Variants in EXD2 observed in about 807,000 individuals in gnomAD.
The protein encoded by EXD2 is exonuclease 3'-5' domain-containing protein 2.
EXD2 carries 40 observed loss-of-function variants against 62.5 expected under a neutral mutation model. That is an observed-to-expected ratio of 0.64 (90% CI 0.50 to 0.83). EXD2 has a LOEUF of 0.83. EXD2 is among the 40% of genes least tolerant of loss of function. The pLI, the probability that EXD2 is intolerant of heterozygous loss-of-function variation, is 0.00. For synonymous variants in EXD2, 239 were observed against 291.9 expected, an observed-to-expected ratio of 0.82 and a Z score of 1.85; for missense variants, 671 against 761.8, an observed-to-expected ratio of 0.88 and a Z score of 1.40.
Position 69,205,130 on chromosome 14 carries a change from T to C in EXD2, c.-48+1130T>C, listed in dbSNP as rs191674342. Among the ~76,000 whole-genome samples the C allele has an allele frequency of 1.6e-4, 25 of 152,368 alleles. No homozygotes were observed. In the East Asian group the frequency reaches 4.6e-3, roughly 28 times the overall value. On this transcript the variant is annotated intron_variant, in intron 2 of 9. Coordinates refer to ENST00000685843, the MANE Select transcript of EXD2 (RefSeq NM_001193360.2). ...AGAATAGTACCAAATCTGACCCCCT[T>C]CATACATTCCAAATCTTTATTCCAT...
rs1420826479 is a variant in EXD2 at position 69,209,586 on chromosome 14, T to G, written c.116T>G (p.Val39Gly). ...CGCCGAAGGAGTAAAACGAGTCCTG[T>G]GACCCAACAGCCACAGCAGAAAGTG... is the stretch of plus-strand genomic sequence containing the variant. ...QRRRRSKTSP[V>G]TQQPQQKVLG... Residue 39 changes from valine (V) to glycine (G), a missense_variant, in exon 3 of 10, where the codon GTG becomes GGG. Val to Gly is a moderately radical substitution (Grantham distance 109). Transcript: ENST00000685843. 3.2e-6 allele frequency: 5 copies of G among 1,550,534 alleles called. No individual in the cohort carries two copies. Among genetic ancestry groups the G allele is most frequent in the East Asian group, 4.9e-5 (2 of 40,918 alleles).
At chr14:69,195,400 C>T (rs2102924) in intron 1 of EXD2, among the ~76,000 whole-genome samples, 104,036 of 151,420 alleles carry the variant, frequency 0.69, 36,414 homozygotes, top group East Asian at 1. Flanking sequence ...TTTCACCATG[C>T]TGCGCAGGCT....
chr14:69,241,111 C>T lies in EXD2; in HGVS notation c.*11C>T. On this transcript the variant is annotated 3_prime_UTR_variant, in exon 10 of 10. Transcript: ENST00000685843. ...ATCCAGCTGTCTTGATAGCTGCTTT[C>T]CTCCCAGTTAGGACAAGTGGGAAGC... 6.2e-7 allele frequency: 1 copy of T among 1,610,290 alleles called. No individual in the cohort carries two copies. Among genetic ancestry groups the T allele is most frequent in the South Asian group, 1.1e-5 (1 of 90,864 alleles).
intron 3 of EXD2, among the ~76,000 whole-genome samples, chr14:69,225,391 G>A (rs994657225): frequency 2.0e-5 from 3 of 152,100 alleles, no homozygotes; most frequent in Non-Finnish European, 2.9e-5. Context: ...CCCCTGGCTC[G>A]TGGAAGGAGG....
chr14:69,230,423 C>G (rs2043527809), intron 4 of EXD2, 49 bp from the exon 5 acceptor site: 5 of 1,355,382 alleles, frequency 3.7e-6, no homozygotes, highest in Non-Finnish European at 5.1e-6. Context: ...ATTTTCTTGT[C>G]CATGTCCTTT....
At chr14:69,194,514 TTTTA>T (rs1482188381) in intron 1 of EXD2, among the ~76,000 whole-genome samples, 1 of 152,078 alleles carries the variant, frequency 6.6e-6, no homozygotes, top group Non-Finnish European at 1.5e-5. Flanking sequence ...TCTTTTTAAT[TTTTA>T]TTTGTAGAGA....
intron 3 of EXD2, among the ~76,000 whole-genome samples, chr14:69,222,884 G>A (rs1337909445): frequency 2.0e-5 from 3 of 152,128 alleles, no homozygotes; most frequent in African/African-American, 7.2e-5. Flanking sequence ...GATGGTAAGT[G>A]AAGACAACAT....
At position 69,216,520 on chromosome 14, in the gene EXD2, TG is replaced by T. The variant is rs1291321220; in HGVS notation, c.333+6720del. On this transcript the variant is annotated intron_variant, in intron 3 of 9. Coordinates refer to ENST00000685843, the MANE Select transcript of EXD2 (RefSeq NM_001193360.2). ...TCGGCTCACTGCAGCCTCCACCTCC[TG>T]GGTTCAAGCCATTCTCCTGCCTCAG... Among the ~76,000 whole-genome samples, 5 of 152,192 alleles carry T rather than the reference TG, an allele frequency of 3.3e-5. No homozygotes were observed. The East Asian group carries it at 9.7e-4, about 29-fold the overall frequency.
rs1391127109 is a variant in EXD2, at chr14:69,241,886, C to T, written c.*786C>T. On this transcript the variant is annotated 3_prime_UTR_variant, in exon 10 of 10. Transcript: ENST00000685843. ...TGTTTGTTGCCTGCTTGTTGCACTC[C>T]TCCTGCCCCAGAACTGCAAGATTTT... The T allele has an allele frequency of 7.5e-6, 3 of 399,038 alleles. No individual in the cohort carries two copies. 24.7% of individuals were successfully genotyped at this position (399,038 alleles called of 1,614,324 possible).
rs1366459730 is a variant in EXD2, at chr14:69,237,829, C to G, written c.1547C>G (p.Pro516Arg). Residue 516 changes from proline to arginine, a missense_variant, in exon 9 of 10, where the codon CCT becomes CGT. Physicochemically the swap from Pro to Arg is moderately radical, Grantham distance 103. Transcript: ENST00000685843. ...GCCCTGCTCAACGCGGAGAGCCTGC[C>G]TACTCAGCGAAAGGAGGAGCTGCTG... is the stretch of plus-strand genomic sequence containing the variant. ...ARALLNAESLPTQRKEELLQA... is the reference protein window; with the variant it reads ...ARALLNAESLRTQRKEELLQA... 1.4e-5 allele frequency: 22 copies of G among 1,613,514 alleles called. No homozygotes were observed. The highest frequency in any genetic ancestry group is 1.9e-5 in the Non-Finnish European group (22 of 1,179,904).
chr14:69,226,734 C>T (rs781651567), intron 3 of EXD2, among the ~76,000 whole-genome samples: 17 of 149,226 alleles, frequency 1.1e-4, no homozygotes, highest in African/African-American at 1.5e-4. Flanking sequence ...GGCAACAGAG[C>T]GAGACTTGGA....
Position 69,230,601 on chromosome 14 carries a change from A to G in EXD2, c.717+3A>G. The G allele has an allele frequency of 6.3e-7, 1 of 1,599,942 alleles. No individual in the cohort carries two copies. Among genetic ancestry groups the G allele is most frequent in the Non-Finnish European group, 8.5e-7 (1 of 1,175,566 alleles). The stretch of plus-strand genomic sequence containing the variant: ...CTGAGACTCTCACAGAGGACCAGGT[A>G]CTTCTTATCAGAGTAGTTGAAGAAT... On this transcript the variant is annotated splice_donor_region_variant and intron_variant, in intron 5 of 9. Transcript: ENST00000685843.
At chr14:69,236,241 TAGA>T (rs2043781157) in intron 7 of EXD2, 89 bp downstream of exon 7, 2 of 1,499,380 alleles carry the variant, frequency 1.3e-6, no homozygotes, top group African/African-American at 1.4e-5. Context: ...GAGGGAGGGA[TAGA>T]AGAAGGCAGA....
chr14:69,229,492 T>C (rs1447120385), intron 4 of EXD2, among the ~76,000 whole-genome samples: 1 of 152,232 alleles, frequency 6.6e-6, no homozygotes, highest in Non-Finnish European at 1.5e-5. Flanking sequence ...GATGGCAGCA[T>C]TTGGCTGGGT....
intron 5 of EXD2, among the ~76,000 whole-genome samples, chr14:69,232,811 A>T (rs1022500893): frequency 2.6e-5 from 4 of 152,176 alleles, no homozygotes; most frequent in African/African-American, 9.7e-5. Context: ...CAGATAGATG[A>T]TCTATAAAGT....
intron 5 of EXD2, among the ~76,000 whole-genome samples, chr14:69,232,441 T>A (rs1480021963): frequency 1.3e-5 from 2 of 152,228 alleles, no homozygotes; most frequent in African/African-American, 2.4e-5. Context: ...GCCAAGTCAG[T>A]TACCACTTGT....
chr14:69,218,485 T>C (rs1159095184), intron 3 of EXD2, among the ~76,000 whole-genome samples: 1 of 152,214 alleles, frequency 6.6e-6, no homozygotes, highest in Non-Finnish European at 1.5e-5. Flanking sequence ...GGTTGCCTGT[T>C]CACTCTGATG....
Position 69,234,949 on chromosome 14 carries a change from G to A in EXD2, c.967G>A (p.Asp323Asn), listed in dbSNP as rs1253030104. Residue 323 changes from aspartate to asparagine, a missense_variant, in exon 6 of 10, where the codon GAT becomes AAT. Asp to Asn is a conservative substitution (Grantham distance 23). Coordinates refer to ENST00000685843, the MANE Select transcript of EXD2 (RefSeq NM_001193360.2). Reference protein sequence around the residue: ...QKPRNKKSKMDGMVPGNHQGR... With the variant: ...QKPRNKKSKMNGMVPGNHQGR... ...GCCAAGAAATAAGAAGTCTAAGATG[G>A]ATGGGATGGTGCCAGGCAACCACCA... 6.2e-7 allele frequency: 1 copy of A among 1,613,682 alleles called. No individual in the cohort carries two copies. Among genetic ancestry groups the A allele is most frequent in the Non-Finnish European group, 8.5e-7 (1 of 1,179,870 alleles).
rs146352947 is a variant in EXD2, at chr14:69,196,726, C to T, written c.-132+5135C>T. 1.4e-3 allele frequency among the ~76,000 whole-genome samples: 214 copies of T among 151,252 alleles called. 1 individual carries two copies. Among genetic ancestry groups the T allele is most frequent in the African/African-American group, 5.1e-3 (209 of 41,146 alleles). ...GCAGCCTCAAACTCCTGAACTCAAG[C>T]AATCCTCCTGCCTCAGCCTCCCAAG... On this transcript the variant is annotated intron_variant, in intron 1 of 9. Transcript: ENST00000685843.
Sources: allele counts gnomAD v4.1 joint callset (sites outside exome capture counted in the v4.1 genomes callset), GRCh38; gene constraint gnomAD v4.1.1; transcripts MANE v1.5; gene names NCBI Gene and HGNC (gene_info 2026-07-23, HGNC 2026-07-21).